KDM4B: variants seen among roughly 807,000 people sequenced by gnomAD.
KDM4B encodes lysine-specific demethylase 4B.
Under a neutral mutation model 125.2 loss-of-function variants are expected in KDM4B, and 32 were observed. That is an observed-to-expected ratio of 0.26 (90% confidence interval 0.19 to 0.34). KDM4B has a LOEUF of 0.34. Among genes scored for constraint, KDM4B ranks in the 10% least tolerant of loss-of-function variants. KDM4B has a pLI of 1.00. For synonymous variants in KDM4B, 721 were observed against 677.9 expected (o/e 1.06, Z -0.99); for missense variants, 1,190 against 1,577.7 (o/e 0.75, Z 4.16).
intron 2 of KDM4B, among the ~76,000 whole-genome samples, chr19:5,019,091 C>T (rs111416181): frequency 0.058 from 4,255 of 73,164 alleles, 191 homozygotes; most frequent in South Asian, 0.15. Context: ...CTGGTGTGGA[C>T]GTTGGTGTGC....
chr19:5,027,642 G>A (rs1397035743), intron 2 of KDM4B, among the ~76,000 whole-genome samples: 4 of 149,608 alleles, frequency 2.7e-5, no homozygotes, highest in Non-Finnish European at 5.9e-5. Context: ...CCGGGTTCAA[G>A]CAATTCTCTT....
rs973863149 is a variant in KDM4B, at chr19:5,115,917, T to C, written c.1116-3736T>C. On this transcript the variant is annotated intron_variant, in intron 10 of 22. Transcript: ENST00000159111. This position sits in a 1 kb window ranked among gnomAD's most constrained non-coding sequence, Gnocchi z 4.2. The stretch of plus-strand genomic sequence containing the variant: ...GTAGTCTAGGAAATCTAGCCCCTGA[T>C]AGGAGTTTCAGAAAAAGAAAAGTGT... 1.3e-5 allele frequency among the ~76,000 whole-genome samples: 2 copies of C among 152,038 alleles called. No homozygotes were observed. The highest frequency in any genetic ancestry group is 2.9e-5 in the Non-Finnish European group (2 of 68,008).
At chr19:5,098,120 AAGGGGCTTCCTC>A (rs2038863353) in intron 9 of KDM4B, among the ~76,000 whole-genome samples, 1 of 152,208 alleles carries the variant, frequency 6.6e-6, no homozygotes, top group Non-Finnish European at 1.5e-5. Flanking sequence ...GCTGGTGGCC[AAGGGGCTTCCTC>A]AGTGTGTAGC....
intron 12 of KDM4B, 104 bp downstream of exon 12, chr19:5,131,649 A>AGGG: frequency 1.7e-5 from 4 of 232,658 alleles, no homozygotes; most frequent in Non-Finnish European, 2.3e-5. Flanking sequence ...GGGAGGGGGC[A>AGGG]GGGAGGAGGG....
chr19:5,102,537 C>A (rs2038956643), intron 9 of KDM4B, among the ~76,000 whole-genome samples: 1 of 152,146 alleles, frequency 6.6e-6, no homozygotes, highest in Non-Finnish European at 1.5e-5. Flanking sequence ...GGGGCTGAGC[C>A]TCCACAGGCC....
At chr19:5,130,833 C>G (rs981634517) in intron 11 of KDM4B, among the ~76,000 whole-genome samples, 2 of 152,262 alleles carry the variant, frequency 1.3e-5, no homozygotes, top group Non-Finnish European at 2.9e-5. Flanking sequence ...CCTTGGCAGG[C>G]AAGTGCCGCT....
chr19:5,045,099 G>A (rs1454215093), intron 5 of KDM4B, among the ~76,000 whole-genome samples: 1 of 152,174 alleles, frequency 6.6e-6, no homozygotes, highest in East Asian at 1.9e-4. Flanking sequence ...GTGAGAGGAC[G>A]TTTAGTTTTT....
At chr19:5,133,686 G>A (rs961786598) in intron 13 of KDM4B, among the ~76,000 whole-genome samples, 197 bp from the exon 14 acceptor site, 1 of 152,228 alleles carries the variant, frequency 6.6e-6, no homozygotes, top group Admixed American at 6.5e-5. Flanking sequence ...GGGATGGGAC[G>A]CTGCAGTGTC....
intron 6 of KDM4B, among the ~76,000 whole-genome samples, chr19:5,056,580 A>G (rs1424135620): frequency 6.6e-6 from 1 of 151,662 alleles, no homozygotes; most frequent in Admixed American, 6.6e-5. Flanking sequence ...TGATTTTTGT[A>G]TTTTTAGGAG....
chr19:4,981,087 G>T (rs895290135), intron 1 of KDM4B, among the ~76,000 whole-genome samples: 9 of 152,086 alleles, frequency 5.9e-5, no homozygotes, highest in Non-Finnish European at 1.2e-4. Context: ...GCGAGTCCGC[G>T]CCACGGGCCT....
chr19:5,122,655 G>A (rs989609643), intron 11 of KDM4B, among the ~76,000 whole-genome samples: 1 of 152,212 alleles, frequency 6.6e-6, no homozygotes, highest in Admixed American at 6.5e-5. Context: ...AAGACAAGCC[G>A]ATAAGTAGGG....
chr19:4,988,182 G>A (rs780274691), intron 1 of KDM4B, among the ~76,000 whole-genome samples: 19 of 152,338 alleles, frequency 1.2e-4, no homozygotes, highest in Admixed American at 5.2e-4. Flanking sequence ...TCCTCCCCAC[G>A]TACCTAACCC....
intron 9 of KDM4B, among the ~76,000 whole-genome samples, chr19:5,097,844 G>A (rs574163874): frequency 6.6e-6 from 1 of 152,342 alleles, no homozygotes; most frequent in Non-Finnish European, 1.5e-5. Context: ...GAGGTGCCCA[G>A]CAAGGATGAT....
chr19:5,027,346 G>C (rs1474150021), intron 2 of KDM4B, among the ~76,000 whole-genome samples: 2 of 152,056 alleles, frequency 1.3e-5, no homozygotes, highest in Non-Finnish European at 2.9e-5. Flanking sequence ...ACACCCGGCT[G>C]TTTCCCACGC....
At chr19:5,055,264 C>T (rs1162243904) in intron 6 of KDM4B, among the ~76,000 whole-genome samples, 1 of 152,186 alleles carries the variant, frequency 6.6e-6, no homozygotes, top group Non-Finnish European at 1.5e-5. Flanking sequence ...CACCGGGGCT[C>T]CCACCGTACC....
intron 9 of KDM4B, among the ~76,000 whole-genome samples, chr19:5,104,597 C>T (rs1285066145): frequency 6.6e-6 from 1 of 152,016 alleles, no homozygotes; most frequent in Non-Finnish European, 1.5e-5. Context: ...CAGGGATGCT[C>T]TGTCTTGGAA....
chr19:5,025,196 T>C (rs1231089443), intron 2 of KDM4B, among the ~76,000 whole-genome samples: 2 of 152,038 alleles, frequency 1.3e-5, no homozygotes, highest in Admixed American at 6.5e-5. Flanking sequence ...AGAAGAAACC[T>C]AGGGGTGGGG....
chr19:5,040,031 C>G lies in KDM4B; in HGVS notation c.317+20C>G. 6.3e-7 allele frequency: 1 copy of G among 1,592,696 alleles called. No individual in the cohort carries two copies. The highest frequency in any genetic ancestry group is 1.1e-5 in the South Asian group (1 of 89,874). On this transcript the variant is annotated intron_variant, in intron 4 of 22. Coordinates refer to ENST00000159111, the MANE Select transcript of KDM4B (RefSeq NM_015015.3). ...CGAGAAGTACGCGGGGCGGGCAGGG[C>G]GGACCTGACCCCCGCCCCCGGGGGC...
At chr19:5,133,283 C>G (rs1390656026) in intron 13 of KDM4B, among the ~76,000 whole-genome samples, 2 of 152,186 alleles carry the variant, frequency 1.3e-5, no homozygotes, top group Non-Finnish European at 2.9e-5. Flanking sequence ...GGGAGAGTGT[C>G]CCCGTCACGC....
Sources: gnomAD v4.1 joint callset for allele counts (sites outside exome capture counted in the v4.1 genomes callset) on GRCh38, gnomAD v4.1.1 for gene constraint, Gnocchi (gnomAD v3.1) non-coding constraint, MANE v1.5 for transcripts, NCBI Gene and HGNC (gene_info 2026-07-23, HGNC 2026-07-21) for gene names.